ZC2HC1A: variants seen among roughly 807,000 people sequenced by gnomAD.
ZC2HC1A encodes zinc finger C2HC domain-containing protein 1A.
ZC2HC1A carries 28 observed loss-of-function variants against 40.7 expected under a neutral mutation model. That is an observed-to-expected ratio of 0.69 (90% confidence interval 0.51 to 0.94). The LOEUF is 0.94. ZC2HC1A is among the 40% of genes least tolerant of loss of function. The pLI, the probability that ZC2HC1A is intolerant of heterozygous loss-of-function variation, is 0.00. For synonymous variants in ZC2HC1A, 129 were observed against 129.2 expected, an observed-to-expected ratio of 1.00 and a Z score of 0.01; for missense variants, 389 against 386.3, an observed-to-expected ratio of 1.01 and a Z score of -0.06.
intron 5 of ZC2HC1A, among the ~76,000 whole-genome samples, chr8:78,694,133 A>G (rs1810317500): frequency 6.6e-6 from 1 of 151,682 alleles, no homozygotes; most frequent in African/African-American, 2.4e-5. Context: ...TTGGCTGGCT[A>G]TTTTTCTAAT....
intron 7 of ZC2HC1A, among the ~76,000 whole-genome samples, chr8:78,709,292 A>C (rs1457215474): frequency 2.0e-5 from 3 of 152,208 alleles, no homozygotes; most frequent in Non-Finnish European, 4.4e-5. Flanking sequence ...TTAAAACATT[A>C]AGAAGTAAAT....
chr8:78,690,297 C>A (rs368459522), intron 5 of ZC2HC1A, among the ~76,000 whole-genome samples: 1 of 152,192 alleles, frequency 6.6e-6, no homozygotes, highest in African/African-American at 2.4e-5. Context: ...CAGTGGCTCC[C>A]GCCTTTAATC....
intron 5 of ZC2HC1A, among the ~76,000 whole-genome samples, chr8:78,689,582 T>C (rs1810141940): frequency 6.6e-6 from 1 of 151,988 alleles, no homozygotes; most frequent in Non-Finnish European, 1.5e-5. Flanking sequence ...GAAGGGGCAA[T>C]TGTTCCCTTT....
chr8:78,676,802 C>A (rs1366854752), intron 2 of ZC2HC1A, among the ~76,000 whole-genome samples: 1 of 151,754 alleles, frequency 6.6e-6, no homozygotes, highest in Non-Finnish European at 1.5e-5. Context: ...GAGTGTTCAG[C>A]TGAATTTCAC....
At chr8:78,710,480 T>G (rs951651571) in intron 7 of ZC2HC1A, among the ~76,000 whole-genome samples, 1 of 152,094 alleles carries the variant, frequency 6.6e-6, no homozygotes, top group Non-Finnish European at 1.5e-5. Flanking sequence ...TTTCTTGAAC[T>G]GAACTTTGTT....
intron 7 of ZC2HC1A, among the ~76,000 whole-genome samples, chr8:78,710,701 A>G (rs1050237012): frequency 2.6e-5 from 4 of 152,112 alleles, no homozygotes; most frequent in African/African-American, 9.6e-5. Context: ...AATGTTTAAA[A>G]TTCCAATAGA....
intron 7 of ZC2HC1A, among the ~76,000 whole-genome samples, chr8:78,708,839 G>A (rs1397905215): frequency 1.3e-5 from 2 of 151,864 alleles, no homozygotes; most frequent in Non-Finnish European, 2.9e-5. Context: ...TACCATGTCT[G>A]GCTAATTTTG....
chr8:78,682,729 C>A (rs1417949771), intron 3 of ZC2HC1A, among the ~76,000 whole-genome samples: 2 of 152,114 alleles, frequency 1.3e-5, no homozygotes, highest in Non-Finnish European at 2.9e-5. Flanking sequence ...CAACAGTCCC[C>A]CAAAGTCTTA....
intron 5 of ZC2HC1A, among the ~76,000 whole-genome samples, chr8:78,695,656 CTA>C (rs67856128): frequency 3.9e-5 from 6 of 151,998 alleles, no homozygotes; most frequent in Admixed American, 3.3e-4. Flanking sequence ...CTTTCTCTCT[CTA>C]TATATATATA....
intron 5 of ZC2HC1A, among the ~76,000 whole-genome samples, chr8:78,690,404 C>CA (rs1294236277): frequency 1.3e-5 from 2 of 151,898 alleles, no homozygotes; most frequent in African/African-American, 4.8e-5. Context: ...AATAAAAATA[C>CA]AAAAAATTAG....
In ZC2HC1A at chr8:78,666,117, A is replaced by G. The variant is rs754033216; in HGVS notation, c.-32A>G. The stretch of plus-strand genomic sequence containing the variant: ...GCTGGGCGGTGGCGGGCGCTGCTGA[A>G]GGAGTCTCGCTGAGCTCGAGGAGGT... On this transcript the variant is annotated 5_prime_UTR_variant, in exon 1 of 9. Coordinates refer to ENST00000263849, the MANE Select transcript of ZC2HC1A (RefSeq NM_016010.3). 5.1e-6 allele frequency: 8 copies of G among 1,562,054 alleles called. No homozygotes were observed. Among genetic ancestry groups the G allele is most frequent in the Non-Finnish European group, 6.9e-6 (8 of 1,153,040 alleles).
intron 4 of ZC2HC1A, among the ~76,000 whole-genome samples, chr8:78,687,368 ATATAG>A (rs1308642307): frequency 4.0e-5 from 6 of 150,846 alleles, no homozygotes; most frequent in African/African-American, 1.5e-4. Context: ...TAGAGGAGAG[ATATAG>A]TATATCTACA....
chr8:78,711,319 C>A (rs1174735226), intron 7 of ZC2HC1A, among the ~76,000 whole-genome samples: 3 of 152,016 alleles, frequency 2.0e-5, no homozygotes, highest in Admixed American at 6.6e-5. Context: ...TACAAACCTG[C>A]AGTTTGTCCT....
intron 1 of ZC2HC1A, among the ~76,000 whole-genome samples, chr8:78,670,109 A>G (rs1243693283): frequency 1.3e-5 from 2 of 151,774 alleles, no homozygotes; most frequent in Non-Finnish European, 2.9e-5. Context: ...CTGGGATTAC[A>G]GGCATGTGCC....
At chr8:78,675,901 A>T in intron 2 of ZC2HC1A, 38 bp downstream of exon 2, 1 of 1,543,160 alleles carries the variant, frequency 6.5e-7, no homozygotes, top group Non-Finnish European at 8.9e-7. Flanking sequence ...GGTTTTACAG[A>T]TCTGTAATTG....
Position 78,718,718 on chromosome 8 carries a change from G to A in ZC2HC1A, c.*1225G>A, listed in dbSNP as rs878885476. On this transcript the variant is annotated 3_prime_UTR_variant, in exon 9 of 9. Transcript: ENST00000263849. ...TTCTCTTTAACCTGATCACGACACA[G>A]CTCTTAATCATTGTCACTTTCAGTA... 1 of 151,732 alleles carries A rather than the reference G, an allele frequency of 6.6e-6. No homozygotes were observed. The highest frequency in any genetic ancestry group is 2.4e-5 in the African/African-American group (1 of 41,394). The allele number at this position is 151,732 out of a possible 1,614,324, so 9.4% of individuals were successfully genotyped here.
At chr8:78,676,495 T>G (rs1809583767) in intron 2 of ZC2HC1A, among the ~76,000 whole-genome samples, 1 of 152,048 alleles carries the variant, frequency 6.6e-6, no homozygotes, top group African/African-American at 2.4e-5. Flanking sequence ...ATAAAAATTA[T>G]GCCTATGTAC....
intron 4 of ZC2HC1A, among the ~76,000 whole-genome samples, chr8:78,687,156 G>A (rs1810008337): frequency 6.6e-6 from 1 of 151,994 alleles, no homozygotes; most frequent in South Asian, 2.1e-4. Context: ...TTGCAACCTT[G>A]TATGAGATAC....
At chr8:78,674,758 T>A (rs952027223) in intron 1 of ZC2HC1A, among the ~76,000 whole-genome samples, 1 of 152,174 alleles carries the variant, frequency 6.6e-6, no homozygotes, top group African/African-American at 2.4e-5. Context: ...TCTATTTTGG[T>A]TTGCCTGTTT....
Sources: allele counts gnomAD v4.1 joint callset (sites outside exome capture counted in the v4.1 genomes callset), GRCh38; gene constraint gnomAD v4.1.1; transcripts MANE v1.5; gene names NCBI Gene and HGNC (gene_info 2026-07-23, HGNC 2026-07-21).